The following NARS2 variants were observed in gnomAD, a reference collection of about 807,000 sequenced individuals.
NARS2 encodes the protein asparaginyl-tRNA synthetase.
NARS2 carries 60 observed loss-of-function variants against 62.9 expected under a neutral mutation model. The observed-to-expected ratio is 0.95, with a 90% CI of 0.77 to 1.18. The LOEUF is 1.18. Among genes scored for constraint, NARS2 ranks in the 50% most tolerant of loss-of-function variants. The pLI, the probability that NARS2 is intolerant of heterozygous loss-of-function variation, is 0.00. For missense variants in NARS2, 619 were observed against 576.4 expected, an observed-to-expected ratio of 1.07 and a Z score of -0.76; for synonymous variants, 196 against 200.0, an observed-to-expected ratio of 0.98 and a Z score of 0.17.
chr11:78,467,435 A>G (rs1858666742), intron 10 of NARS2, among the ~76,000 whole-genome samples: 1 of 151,988 alleles, frequency 6.6e-6, no homozygotes, highest in African/African-American at 2.4e-5. Flanking sequence ...TAGTTGGGAG[A>G]CTGAGTTGGG....
chr11:78,493,011 A>G (rs1203066386), intron 7 of NARS2, 52 bp downstream of exon 7: 4 of 1,462,266 alleles, frequency 2.7e-6, no homozygotes, highest in African/African-American at 1.8e-5. Context: ...AAATATATAC[A>G]GAAACATTTT....
rs1180474266 is a variant in NARS2, at chr11:78,514,214, CT to C, written c.689+14627del. Among the ~76,000 whole-genome samples, 3 of 152,266 alleles carry C rather than the reference CT, an allele frequency of 2.0e-5. No individual in the cohort carries two copies. In the South Asian group the frequency reaches 6.2e-4, roughly 32 times the overall value. On this transcript the variant is annotated intron_variant, in intron 6 of 13. Coordinates refer to ENST00000281038, the MANE Select transcript of NARS2 (RefSeq NM_024678.6). Reference sequence around the variant, plus strand: ...CTCTGTTCACTGCAGCCTCGACCTCCTGGACTCAATAAATCCTCGACCCTCA... The same window carrying C: ...CTCTGTTCACTGCAGCCTCGACCTCCGGACTCAATAAATCCTCGACCCTCA...
intron 11 of NARS2, among the ~76,000 whole-genome samples, chr11:78,455,204 C>T (rs955831788): frequency 1.3e-5 from 2 of 152,122 alleles, no homozygotes; most frequent in African/African-American, 4.8e-5. Context: ...CTATCTGTAA[C>T]ACTCCAATCT....
chr11:78,538,641 A>C (rs1048929238), intron 5 of NARS2, among the ~76,000 whole-genome samples: 1 of 152,086 alleles, frequency 6.6e-6, no homozygotes, highest in African/African-American at 2.4e-5. Context: ...GGGGTGTCAT[A>C]CCTTACGAGA....
intron 5 of NARS2, among the ~76,000 whole-genome samples, chr11:78,549,979 A>G (rs1041555087): frequency 2.0e-5 from 3 of 152,222 alleles, no homozygotes; most frequent in African/African-American, 7.2e-5. Flanking sequence ...ACATTTTTCC[A>G]AAGAAGAGAA....
chr11:78,446,800 A>G (rs1857776548), intron 11 of NARS2, among the ~76,000 whole-genome samples: 1 of 152,144 alleles, frequency 6.6e-6, no homozygotes, highest in South Asian at 2.1e-4. Flanking sequence ...TTTTTTGGAG[A>G]TGACTCCAAA....
At chr11:78,524,300 T>C (rs1252111888) in intron 6 of NARS2, among the ~76,000 whole-genome samples, 2 of 152,070 alleles carry the variant, frequency 1.3e-5, no homozygotes, top group Non-Finnish European at 2.9e-5. Flanking sequence ...TCTGCAGAGT[T>C]GTCAGATCAT....
At chr11:78,475,069 T>C (rs770595509) in intron 9 of NARS2, among the ~76,000 whole-genome samples, 19 of 152,276 alleles carry the variant, frequency 1.2e-4, no homozygotes, top group Non-Finnish European at 2.4e-4. Flanking sequence ...TTTCTTTCCA[T>C]TCCCTTCAAG....
intron 10 of NARS2, among the ~76,000 whole-genome samples, chr11:78,466,238 C>T (rs1411312354): frequency 6.6e-6 from 1 of 151,986 alleles, no homozygotes; most frequent in Non-Finnish European, 1.5e-5. Flanking sequence ...TAGATAGACA[C>T]TATGCTTACT....
chr11:78,502,991 C>CG (rs1555025326), intron 6 of NARS2, among the ~76,000 whole-genome samples: 1 of 82,958 alleles, frequency 1.2e-5, no homozygotes, highest in African/African-American at 6.3e-5. Context: ...GAGACTGTCT[C>CG]AAAAAAAAAA....
chr11:78,571,664 A>G (rs1856929006), intron 1 of NARS2: 1 of 435,226 alleles, frequency 2.3e-6, no homozygotes, highest in Non-Finnish European at 4.2e-6. Flanking sequence ...ATAATGCACA[A>G]CATTTCGAAT....
chr11:78,437,619 C>A (rs1041631695), intron 13 of NARS2, among the ~76,000 whole-genome samples: 1 of 152,104 alleles, frequency 6.6e-6, no homozygotes, highest in Admixed American at 6.5e-5. Context: ...AGGAAAAGGG[C>A]AACTATAAAT....
At chr11:78,487,139 T>G (rs1859609794) in intron 7 of NARS2, among the ~76,000 whole-genome samples, 1 of 151,966 alleles carries the variant, frequency 6.6e-6, no homozygotes. Context: ...GCGGATCACT[T>G]GAGGTCAGGA....
At chr11:78,521,315 C>T (rs1481724496) in intron 6 of NARS2, among the ~76,000 whole-genome samples, 1 of 151,914 alleles carries the variant, frequency 6.6e-6, no homozygotes, top group African/African-American at 2.4e-5. Context: ...CAGGCACATG[C>T]CACCATGCTT....
At chr11:78,567,714 CTTCTT>C (rs1389396777) in intron 3 of NARS2, among the ~76,000 whole-genome samples, 3 of 152,132 alleles carry the variant, frequency 2.0e-5, no homozygotes. Flanking sequence ...ATTGCATTTT[CTTCTT>C]TTATTTCCTT....
chr11:78,498,134 T>C (rs1172828672), intron 6 of NARS2, among the ~76,000 whole-genome samples: 1 of 152,108 alleles, frequency 6.6e-6, no homozygotes, highest in Non-Finnish European at 1.5e-5. Context: ...GAGCCTGACA[T>C]GTTTAAAGAA....
chr11:78,445,958 T>C (rs1857745553), intron 11 of NARS2, among the ~76,000 whole-genome samples: 1 of 152,052 alleles, frequency 6.6e-6, no homozygotes, highest in South Asian at 2.1e-4. Context: ...AGACCTTGTC[T>C]CAAAAAAATA....
At chr11:78,558,816 TGAAAAA>T (rs1189752306) in intron 5 of NARS2, among the ~76,000 whole-genome samples, 4 of 152,218 alleles carry the variant, frequency 2.6e-5, no homozygotes, top group East Asian at 1.9e-4. Context: ...TTAAAGACTT[TGAAAAA>T]GAAAATGATA....
rs191652092 is a variant in NARS2 at position 78,518,674 on chromosome 11, C to T, written c.689+10168G>A. On this transcript the variant is annotated intron_variant, in intron 6 of 13. Transcript: ENST00000281038. ...CTGGGACTACAGGCGCCCGCCACCA[C>T]GCCCGGCCAATTTTTTGTATTTTGA... Among the ~76,000 whole-genome samples, 27 of 152,180 alleles carry T rather than the reference C, an allele frequency of 1.8e-4. No individual in the cohort carries two copies. The East Asian group carries it at 4.6e-3, about 26-fold the overall frequency.
Sources: gnomAD v4.1 joint callset for allele counts (sites outside exome capture counted in the v4.1 genomes callset) on GRCh38, gnomAD v4.1.1 for gene constraint, MANE v1.5 for transcripts, NCBI Gene and HGNC (gene_info 2026-07-23, HGNC 2026-07-21) for gene names.